Variants in KIRREL3 observed in about 807,000 individuals in gnomAD.
KIRREL3 encodes kin of IRRE-like protein 3.
In KIRREL3, 36 loss-of-function variants were observed where a neutral mutation model predicts 89.7. The observed-to-expected ratio is 0.40, with a 90% CI of 0.31 to 0.53. The LOEUF (loss-of-function observed/expected upper bound fraction) is 0.53. Ranked by LOEUF, KIRREL3 falls within the 20% of genes least tolerant of loss-of-function variation. The pLI is 0.49. For synonymous variants in KIRREL3, 445 were observed against 441.4 expected, an observed-to-expected ratio of 1.01 and a Z score of -0.10; for missense variants, 864 against 1,056.6, an observed-to-expected ratio of 0.82 and a Z score of 2.53.
At chr11:126,451,502 G>A (rs1956159068) in intron 7 of KIRREL3, among the ~76,000 whole-genome samples, 1 of 150,892 alleles carries the variant, frequency 6.6e-6, no homozygotes, top group African/African-American at 2.4e-5. Flanking sequence ...GTGTGCATGT[G>A]TGAGTGTGTC....
At chr11:126,665,458 C>T (rs891362244) in intron 1 of KIRREL3, among the ~76,000 whole-genome samples, 3 of 152,154 alleles carry the variant, frequency 2.0e-5, no homozygotes, top group African/African-American at 4.8e-5. Flanking sequence ...TCCTCACCCC[C>T]GAGGTGATGC....
intron 1 of KIRREL3, among the ~76,000 whole-genome samples, chr11:126,765,572 C>T (rs191944906): frequency 1.3e-5 from 2 of 152,264 alleles, no homozygotes; most frequent in East Asian, 3.9e-4. Context: ...TTATTTACTA[C>T]TACAGTTATT....
At chr11:126,927,258 GCATACATGCACACA>G (rs936751744) in intron 1 of KIRREL3, among the ~76,000 whole-genome samples, 13 of 152,164 alleles carry the variant, frequency 8.5e-5, no homozygotes, top group South Asian at 6.2e-4. Flanking sequence ...GCACGCACAT[GCATACATGCACACA>G]CATACATGCA....
Position 126,645,253 on chromosome 11 carries a change from C to T in KIRREL3, c.56-82341G>A, listed in dbSNP as rs75399999. Among the ~76,000 whole-genome samples, 74 of 152,288 alleles carry T rather than the reference C, an allele frequency of 4.9e-4. No homozygotes were observed. The highest frequency in any genetic ancestry group is 1.7e-3 in the African/African-American group (72 of 41,546). On this transcript the variant is annotated intron_variant, in intron 1 of 16. Transcript: ENST00000525144. This position sits in a 1 kb window ranked among gnomAD's most constrained non-coding sequence, Gnocchi z 4.9. ...AAATATTCTCAACTTGAGTTCCCTG[C>T]GGTTGTGGTCATGGGCCAATTGCAG...
rs111561525 is a variant in KIRREL3, at chr11:126,552,552, T to A, written c.133+10283A>T. ...CATCACACAGGGGAGAGAGAAAAGTTTTTTTTTTTTTTTTTTTTTTTTTTT... is the reference window on the plus strand; with the variant it reads ...CATCACACAGGGGAGAGAGAAAAGTATTTTTTTTTTTTTTTTTTTTTTTTT... On this transcript the variant is annotated intron_variant, in intron 2 of 16. Transcript: ENST00000525144. Among the ~76,000 whole-genome samples, 164 of 60,310 alleles carry A rather than the reference T, an allele frequency of 2.7e-3. 1 individual carries two copies. The highest frequency in any genetic ancestry group is 0.021 in the African/African-American group (151 of 7,218). The allele number at this position is 60,310 out of a possible 152,430, so 39.6% of individuals were successfully genotyped here.
At position 126,918,544 on chromosome 11, in the gene KIRREL3, T is replaced by C. The variant is rs1947133551; in HGVS notation, c.55+81911A>G. 6.6e-6 allele frequency among the ~76,000 whole-genome samples: 1 copy of C among 152,230 alleles called. No homozygotes were observed. Among genetic ancestry groups the C allele is most frequent in the South Asian group, 2.1e-4 (1 of 4,832 alleles). On this transcript the variant is annotated intron_variant, in intron 1 of 16. Transcript: ENST00000525144. This position sits in a 1 kb window ranked among gnomAD's most constrained non-coding sequence, Gnocchi z 6.5. ...GAATTATTACGTTTTTGCATAAACA[T>C]TCTTCACCATCATCCACTCATGACA...
intron 1 of KIRREL3, among the ~76,000 whole-genome samples, chr11:126,597,644 T>G (rs1303993604): frequency 1.3e-5 from 2 of 152,182 alleles, no homozygotes; most frequent in Non-Finnish European, 2.9e-5. Flanking sequence ...GGTCCCAAGG[T>G]TCTCTCGAGT....
In KIRREL3 at chr11:126,699,292, C is replaced by T. The variant is rs79719918; in HGVS notation, c.56-136380G>A. ...TAGCCTGATATCATAACCGCATCTT[C>T]CCCAGAATTGCTGAGTGGATGGGGA... On this transcript the variant is annotated intron_variant, in intron 1 of 16. Coordinates refer to ENST00000525144, the MANE Select transcript of KIRREL3 (RefSeq NM_032531.4). Among the ~76,000 whole-genome samples the T allele has an allele frequency of 4.7e-3, 709 of 152,304 alleles. 5 individuals are homozygous for T. The highest frequency in any genetic ancestry group is 0.016 in the African/African-American group (683 of 41,558).
rs1232775510 is a variant in KIRREL3, at chr11:126,734,154, C to A, written c.56-171242G>T. On this transcript the variant is annotated intron_variant, in intron 1 of 16. Transcript: ENST00000525144. This position sits in a 1 kb window ranked among gnomAD's most constrained non-coding sequence, Gnocchi z 5.9. Reference sequence around the variant, plus strand: ...GAACACTGGAGTTTGGGAAGCACTGCACTAATGGAAATCAATTAGTGGATG... The same window carrying A: ...GAACACTGGAGTTTGGGAAGCACTGAACTAATGGAAATCAATTAGTGGATG... 6.6e-6 allele frequency among the ~76,000 whole-genome samples: 1 copy of A among 152,188 alleles called. No homozygotes were observed. Among genetic ancestry groups the A allele is most frequent in the African/African-American group, 2.4e-5 (1 of 41,438 alleles).
In KIRREL3 at chr11:126,612,737, T is replaced by C. The variant is rs1943185658; in HGVS notation, c.56-49825A>G. ...ACCTATACTGGACACTCCTACAACA[T>C]GTGGCCTTTTGTGTCCGTCTCCTTT... On this transcript the variant is annotated intron_variant, in intron 1 of 16. Transcript: ENST00000525144. The surrounding 1 kb of genome is among the most constrained non-coding windows in gnomAD (Gnocchi z 4.5). 6.6e-6 allele frequency among the ~76,000 whole-genome samples: 1 copy of C among 152,194 alleles called. No individual in the cohort carries two copies. Among genetic ancestry groups the C allele is most frequent in the South Asian group, 2.1e-4 (1 of 4,824 alleles).
chr11:126,441,316 T>C lies in KIRREL3; in HGVS notation c.1253-767A>G, dbSNP rs181088592. ...TCAGGTTCTGAGAGCGCCTGTCTCA[T>C]TCACCACATTGCACAGCCAAGAGAG... is the stretch of plus-strand genomic sequence containing the variant. On this transcript the variant is annotated intron_variant, in intron 10 of 16. Transcript: ENST00000525144. This position sits in a 1 kb window ranked among gnomAD's most constrained non-coding sequence, Gnocchi z 5.0. Among the ~76,000 whole-genome samples the C allele has an allele frequency of 2.8e-3, 422 of 152,362 alleles. 3 individuals are homozygous for C. The highest frequency in any genetic ancestry group is 2.7e-3 in the Non-Finnish European group (184 of 68,034).
At chr11:126,613,437 T>G (rs758264265) in intron 1 of KIRREL3, among the ~76,000 whole-genome samples, 1 of 152,196 alleles carries the variant, frequency 6.6e-6, no homozygotes, top group Non-Finnish European at 1.5e-5. Flanking sequence ...TCAGCAGCCA[T>G]TTAGTTGCCT....
intron 1 of KIRREL3, among the ~76,000 whole-genome samples, chr11:126,637,488 A>G (rs1944311726): frequency 6.6e-6 from 1 of 152,128 alleles, no homozygotes; most frequent in Non-Finnish European, 1.5e-5. Flanking sequence ...CCTCCTGCTC[A>G]AGCCTCTGCC....
At chr11:126,582,619 G>T (rs1198654219) in intron 1 of KIRREL3, among the ~76,000 whole-genome samples, 2 of 152,186 alleles carry the variant, frequency 1.3e-5, no homozygotes, top group African/African-American at 4.8e-5. Flanking sequence ...AGGTGGGGAA[G>T]GGGTGAGAAC....
chr11:126,969,205 G>A lies in KIRREL3; in HGVS notation c.55+31250C>T, dbSNP rs1021955439. 2.0e-5 allele frequency among the ~76,000 whole-genome samples: 3 copies of A among 152,066 alleles called. No homozygotes were observed. Among genetic ancestry groups the A allele is most frequent in the African/African-American group, 7.2e-5 (3 of 41,394 alleles). Reference sequence around the variant, plus strand: ...TGGGGCAAAAGAGTCCGTAGATACCGCAGTCAAGGGGCGATTCACTCCATT... The same window carrying A: ...TGGGGCAAAAGAGTCCGTAGATACCACAGTCAAGGGGCGATTCACTCCATT... On this transcript the variant is annotated intron_variant, in intron 1 of 16. Transcript: ENST00000525144. The surrounding 1 kb of genome is among the most constrained non-coding windows in gnomAD (Gnocchi z 4.9).
Position 126,645,226 on chromosome 11 carries a change from T to C in KIRREL3, c.56-82314A>G, listed in dbSNP as rs965178795. On this transcript the variant is annotated intron_variant, in intron 1 of 16. Transcript: ENST00000525144. This position sits in a 1 kb window ranked among gnomAD's most constrained non-coding sequence, Gnocchi z 4.9. ...GACATCGTAACAATTCAAATGCTAA[T>C]GAAATATTCTCAACTTGAGTTCCCT... Among the ~76,000 whole-genome samples the C allele has an allele frequency of 6.6e-6, 1 of 152,216 alleles. No individual in the cohort carries two copies.
At chr11:126,581,203 T>G (rs1299209449) in intron 1 of KIRREL3, among the ~76,000 whole-genome samples, 1 of 152,088 alleles carries the variant, frequency 6.6e-6, no homozygotes, top group Admixed American at 6.6e-5. Flanking sequence ...CTGGTCACAT[T>G]ATATTGAATT....
At chr11:126,648,989 A>G (rs911509516) in intron 1 of KIRREL3, among the ~76,000 whole-genome samples, 2 of 152,184 alleles carry the variant, frequency 1.3e-5, no homozygotes, top group African/African-American at 2.4e-5. Context: ...ACAGTTCCAC[A>G]TGGGTGGGGA....
intron 1 of KIRREL3, among the ~76,000 whole-genome samples, chr11:126,806,741 T>C (rs1319546849): frequency 6.6e-6 from 1 of 152,178 alleles, no homozygotes; most frequent in Non-Finnish European, 1.5e-5. Context: ...TAGGTATACA[T>C]GTGCCATGGT....
Sources: gnomAD v4.1 joint callset for allele counts (sites outside exome capture counted in the v4.1 genomes callset) on GRCh38, gnomAD v4.1.1 for gene constraint, Gnocchi (gnomAD v3.1) non-coding constraint, MANE v1.5 for transcripts, NCBI Gene and HGNC (gene_info 2026-07-23, HGNC 2026-07-21) for gene names.